UBXN8: variants seen among roughly 807,000 people sequenced by gnomAD.
The protein encoded by UBXN8 is UBX domain protein 8, also known as UBX domain-containing protein 8.
Under a neutral mutation model 32.1 loss-of-function variants are expected in UBXN8, and 27 were observed. That is an observed-to-expected ratio of 0.84 (90% CI 0.62 to 1.16). The LOEUF is 1.16. Among genes scored for constraint, UBXN8 ranks in the 50% most tolerant of loss-of-function variants. The pLI is 0.00. For missense variants in UBXN8, 306 were observed against 311.4 expected, an observed-to-expected ratio of 0.98 and a Z score of 0.13; for synonymous variants, 109 against 111.8, an observed-to-expected ratio of 0.98 and a Z score of 0.16.
upstream of UBXN8, among the ~76,000 whole-genome samples, chr8:30,730,399 A>G (rs898562018): frequency 2.6e-5 from 4 of 151,986 alleles, no homozygotes; most frequent in Non-Finnish European, 4.4e-5. Context: ...CAGACCCATA[A>G]CCCCACTTGG....
chr8:30,754,665 G>T lies in UBXN8; in HGVS notation c.283G>T (p.Ala95Ser). The T allele has an allele frequency of 6.5e-7, 1 of 1,546,536 alleles. No individual in the cohort carries two copies. Among genetic ancestry groups the T allele is most frequent in the South Asian group, 1.3e-5 (1 of 78,240 alleles). Reference protein sequence around the residue: ...KKQQEAQGEKASRYIENVLKP... With the variant: ...KKQQEAQGEKSSRYIENVLKP... The stretch of plus-strand genomic sequence containing the variant: ...ACACCTAATTTGTTGTTTTCAACAG[G>T]CCAGCAGATACATAGAGAATGTTTT... Residue 95 changes from alanine to serine, a missense_variant and splice_region_variant, in exon 4 of 8, where the codon GCC (alanine) becomes TCC (serine). Coordinates refer to ENST00000265616, the MANE Select transcript of UBXN8 (RefSeq NM_005671.4).
At position 30,747,692 on chromosome 8, in the gene UBXN8, G is replaced by A. The variant is rs573818630; in HGVS notation, c.88+3415G>A. On this transcript the variant is annotated intron_variant, in intron 1 of 7. Coordinates refer to ENST00000265616, the MANE Select transcript of UBXN8 (RefSeq NM_005671.4). ...AGAGATAAAATAGATTAAATTATGTGTTGTATTGAATAACACCTGAATCAA... is the reference window on the plus strand; with the variant it reads ...AGAGATAAAATAGATTAAATTATGTATTGTATTGAATAACACCTGAATCAA... 2.9e-4 allele frequency among the ~76,000 whole-genome samples: 41 copies of A among 139,800 alleles called. 7 individuals carry two copies. Among genetic ancestry groups the A allele is most frequent in the African/African-American group, 1.1e-3 (41 of 36,268 alleles). 91.7% of individuals were successfully genotyped at this position (139,800 alleles called of 152,430 possible). A position where few individuals can be genotyped will look rare whatever the true frequency, so the allele number is the denominator to read the frequency against.
intron 1 of UBXN8, among the ~76,000 whole-genome samples, chr8:30,748,131 T>TC (rs1805416238): frequency 6.6e-6 from 1 of 151,422 alleles, no homozygotes; most frequent in East Asian, 1.9e-4. Context: ...AAATTTTTTT[T>TC]CTTTTTTTTT....
chr8:30,744,068 A>G (rs1805283530), upstream of UBXN8: 2 of 795,526 alleles, frequency 2.5e-6, no homozygotes, highest in Non-Finnish European at 4.1e-6. Flanking sequence ...CACGGCCGTC[A>G]GTATTTACCA....
chr8:30,747,307 G>GGTTTTTTTTTTTTTTTTTTTTTT (rs567878886), intron 1 of UBXN8, among the ~76,000 whole-genome samples: 1 of 81,730 alleles, frequency 1.2e-5, no homozygotes, highest in Non-Finnish European at 2.1e-5. Flanking sequence ...CCTCAGTGGT[G>GGTTTTTTTTTTTTTTTTTTTTTT]TTTTTTTTTT....
At chr8:30,731,104 T>C (rs1235905656), upstream of UBXN8, among the ~76,000 whole-genome samples, 2 of 152,202 alleles carry the variant, frequency 1.3e-5, no homozygotes, top group Admixed American at 1.3e-4. Flanking sequence ...AAATAGGACA[T>C]TGGAAGAACA....
chr8:30,759,997 T>TA (rs1271985570), intron 5 of UBXN8, among the ~76,000 whole-genome samples: 15 of 148,266 alleles, frequency 1.0e-4, no homozygotes, highest in African/African-American at 3.7e-4. Context: ...TAAAATAAAA[T>TA]AAAATAAAAT....
chr8:30,742,488 G>C (rs3757919), upstream of UBXN8, among the ~76,000 whole-genome samples: 39,210 of 151,992 alleles, frequency 0.26, 5,934 homozygotes, highest in African/African-American at 0.42. Context: ...GTAGCTGGGA[G>C]CACAGGCTAC....
upstream of UBXN8, among the ~76,000 whole-genome samples, chr8:30,731,069 C>T (rs558908118): frequency 8.7e-4 from 132 of 152,314 alleles, 1 homozygote; most frequent in Admixed American, 2.5e-3. Context: ...GAGCTTGCAG[C>T]GTAATCAGTG....
chr8:30,729,262 C>T (rs535815956), upstream of UBXN8, among the ~76,000 whole-genome samples: 5 of 152,354 alleles, frequency 3.3e-5, no homozygotes, highest in Non-Finnish European at 5.9e-5. Context: ...CAGAGCAGTG[C>T]GTGGCAGGCC....
At chr8:30,756,691 A>G in intron 4 of UBXN8, 74 bp from the exon 5 acceptor site, 1 of 1,579,942 alleles carries the variant, frequency 6.3e-7, no homozygotes, top group Non-Finnish European at 8.6e-7. Context: ...AAAAGGAAAA[A>G]GGAAAAACAA....
rs529751547 is a variant in UBXN8, at chr8:30,762,874, G to A, written c.571-399G>A. Among the ~76,000 whole-genome samples the A allele has an allele frequency of 5.1e-3, 74 of 14,444 alleles. No individual in the cohort carries two copies. In the South Asian group the frequency reaches 0.36, roughly 71 times the overall value. 9.5% of individuals were successfully genotyped at this position (14,444 alleles called of 152,430 possible). ...ATGTGTTATCTTCTCATTTTATAAT[G>A]TCTTTTTTTTTTTTAAACAGAGTCT... On this transcript the variant is annotated intron_variant, in intron 6 of 7. Transcript: ENST00000265616.
intron 3 of UBXN8, 66 bp downstream of exon 3, chr8:30,753,171 T>A: frequency 2.1e-6 from 3 of 1,409,804 alleles, no homozygotes; most frequent in Non-Finnish European, 2.8e-6. Flanking sequence ...CAATTAAAAT[T>A]AAGGGCTGTT....
intron 1 of UBXN8, among the ~76,000 whole-genome samples, chr8:30,749,677 C>T (rs1399418283): frequency 1.3e-5 from 2 of 150,142 alleles, no homozygotes; most frequent in Admixed American, 6.7e-5. Context: ...ACGATCTTGG[C>T]TCACTGCAAG....
At chr8:30,730,921 A>C (rs1448912336), upstream of UBXN8, among the ~76,000 whole-genome samples, 2 of 152,252 alleles carry the variant, frequency 1.3e-5, no homozygotes, top group African/African-American at 4.8e-5. Flanking sequence ...GGATGCAGTA[A>C]GCCGTAAGGA....
upstream of UBXN8, among the ~76,000 whole-genome samples, chr8:30,731,777 G>A (rs1007692912): frequency 4.6e-5 from 7 of 152,314 alleles, no homozygotes; most frequent in African/African-American, 1.7e-4. Context: ...CTGGTCCCCA[G>A]AGAAGCTCTT....
At chr8:30,754,598 A>G in intron 3 of UBXN8, 67 bp from the exon 4 acceptor site, 2 of 1,498,738 alleles carry the variant, frequency 1.3e-6, no homozygotes, top group Non-Finnish European at 1.8e-6. Context: ...TTACAACTTT[A>G]TAGACAGTGT....
chr8:30,758,963 G>T (rs1488791130), intron 5 of UBXN8, among the ~76,000 whole-genome samples: 1 of 140,678 alleles, frequency 7.1e-6, no homozygotes, highest in East Asian at 2.1e-4. Flanking sequence ...GCGTGATCTC[G>T]GCTCACTGCA....
At position 30,766,436 on chromosome 8, in the gene UBXN8, C is replaced by G; in HGVS notation, c.*42C>G. The stretch of plus-strand genomic sequence containing the variant: ...CCCTGTTTGCATGAAGTCAGTTATG[C>G]TATGACCTTCTGGCACAATAAAGGC... On this transcript the variant is annotated 3_prime_UTR_variant, in exon 8 of 8. Coordinates refer to ENST00000265616, the MANE Select transcript of UBXN8 (RefSeq NM_005671.4). 1 of 1,503,602 alleles carries G rather than the reference C, an allele frequency of 6.7e-7. No homozygotes were observed. The allele number at this position is 1,503,602 out of a possible 1,614,324, so 93.1% of individuals were successfully genotyped here.
Sources: allele counts gnomAD v4.1 joint callset (sites outside exome capture counted in the v4.1 genomes callset), GRCh38; gene constraint gnomAD v4.1.1; transcripts MANE v1.5; gene names NCBI Gene and HGNC (gene_info 2026-07-23, HGNC 2026-07-21).